Variants in TMEM74 observed in about 807,000 individuals in gnomAD.
The protein encoded by TMEM74 is transmembrane protein 74.
In TMEM74, 13 loss-of-function variants were observed where a neutral mutation model predicts 18.1. The observed-to-expected ratio is 0.72, with a 90% CI of 0.47 to 1.14. The LOEUF is 1.14. Among genes scored for constraint, TMEM74 ranks in the 50% most tolerant of loss-of-function variants. The probability of loss-of-function intolerance (pLI) is 0.00; values close to 1 mark genes in which losing one functional copy is unlikely to be tolerated. For missense variants in TMEM74, 372 were observed against 375.9 expected, an observed-to-expected ratio of 0.99 and a Z score of 0.09; for synonymous variants, 159 against 146.6, an observed-to-expected ratio of 1.08 and a Z score of -0.61.
At chr8:108,774,310 A>G (rs886944445), downstream of TMEM74, among the ~76,000 whole-genome samples, 3 of 152,108 alleles carry the variant, frequency 2.0e-5, no homozygotes, top group African/African-American at 2.4e-5. Flanking sequence ...TGGACTGAAA[A>G]CCTTCCACAA....
intron 1 of TMEM74, among the ~76,000 whole-genome samples, chr8:108,738,773 T>G (rs1463500786): frequency 6.6e-6 from 1 of 152,192 alleles, no homozygotes; most frequent in Non-Finnish European, 1.5e-5. Flanking sequence ...GATTTCTCTT[T>G]TATGTTAATG....
intron 1 of TMEM74, among the ~76,000 whole-genome samples, chr8:108,663,129 A>G (rs1383240405): frequency 6.6e-6 from 1 of 152,208 alleles, no homozygotes; most frequent in African/African-American, 2.4e-5. Flanking sequence ...GCACAGCAAA[A>G]GAAACTGTCA....
chr8:108,756,599 A>AAAGGAAGGAAGGAAGG (rs200040254), intron 1 of TMEM74, among the ~76,000 whole-genome samples: 3 of 51,554 alleles, frequency 5.8e-5, no homozygotes, highest in East Asian at 6.1e-4. Context: ...AAAGAAAGAG[A>AAAGGAAGGAAGGAAGG]AAGGAAGGAA....
chr8:108,632,447 TATC>T (rs1309582615), intron 2 of TMEM74, among the ~76,000 whole-genome samples: 1 of 151,974 alleles, frequency 6.6e-6, no homozygotes, highest in African/African-American at 2.4e-5. Context: ...TGCATATATT[TATC>T]ATTAGAAAAT....
At chr8:108,607,706 C>G (rs1812290124) in exon 4 of TMEM74, 1 of 152,152 alleles carries the variant, frequency 6.6e-6, no homozygotes, top group African/African-American at 2.4e-5. Context: ...TTCAGTTTGG[C>G]TCTTCACTTT....
At chr8:108,756,731 AAAGAGAAAGAAAGAAGGG>A (rs1163198850) in intron 1 of TMEM74, among the ~76,000 whole-genome samples, 1 of 94,374 alleles carries the variant, frequency 1.1e-5, no homozygotes, top group African/African-American at 4.2e-5. Context: ...AGAAAGAAAG[AAAGAGAAAGAAAGAAGGG>A]AGGGAGGGAG....
chr8:108,744,884 T>G (rs1203249344), intron 1 of TMEM74, among the ~76,000 whole-genome samples: 9 of 152,162 alleles, frequency 5.9e-5, no homozygotes, highest in Admixed American at 4.6e-4. Context: ...ATCTGGCTGA[T>G]GGATAATGTT....
At chr8:108,740,637 G>A (rs1813791180) in intron 1 of TMEM74, among the ~76,000 whole-genome samples, 1 of 152,066 alleles carries the variant, frequency 6.6e-6, no homozygotes, top group Non-Finnish European at 1.5e-5. Flanking sequence ...TCACATTTTT[G>A]CAATTTTCAC....
chr8:108,754,643 G>A (rs975077404), intron 1 of TMEM74, among the ~76,000 whole-genome samples: 2 of 139,854 alleles, frequency 1.4e-5, no homozygotes, highest in African/African-American at 5.1e-5. Flanking sequence ...GGATGGATAG[G>A]TAGGTAGGTA....
chr8:108,692,690 C>T (rs1000276073), intron 1 of TMEM74, among the ~76,000 whole-genome samples: 3 of 152,120 alleles, frequency 2.0e-5, no homozygotes, highest in East Asian at 1.9e-4. Context: ...CCCCAGCCTG[C>T]AAAAAACCCC....
intron 1 of TMEM74, among the ~76,000 whole-genome samples, chr8:108,697,648 C>A (rs982652039): frequency 5.9e-5 from 9 of 152,132 alleles, no homozygotes; most frequent in African/African-American, 2.2e-4. Flanking sequence ...TACACCTGGC[C>A]TCAAGAGATC....
At chr8:108,655,055 A>T (rs868568360) in intron 2 of TMEM74, among the ~76,000 whole-genome samples, 1 of 152,112 alleles carries the variant, frequency 6.6e-6, no homozygotes, top group African/African-American at 2.4e-5. Flanking sequence ...TTTTCCTTTG[A>T]CCTAACATAT....
rs958784066 is a variant in TMEM74 at position 108,783,043 on chromosome 8, G to A, written c.*1138C>T. Reference sequence around the variant, plus strand: ...GACATCTAGACCACTGTGAGTGGGAGGTGAGTTCTGACGATGACTACAGTC... The same window carrying A: ...GACATCTAGACCACTGTGAGTGGGAAGTGAGTTCTGACGATGACTACAGTC... On this transcript the variant is annotated 3_prime_UTR_variant, in exon 2 of 2. Transcript: ENST00000297459. Among the ~76,000 whole-genome samples, 2 of 152,186 alleles carry A rather than the reference G, an allele frequency of 1.3e-5. No individual in the cohort carries two copies. Among genetic ancestry groups the A allele is most frequent in the South Asian group, 2.1e-4 (1 of 4,830 alleles).
downstream of TMEM74, among the ~76,000 whole-genome samples, chr8:108,776,245 C>A (rs920784099): frequency 8.5e-5 from 13 of 152,252 alleles, no homozygotes; most frequent in East Asian, 2.5e-3. Flanking sequence ...GTAATCCCAA[C>A]ACTTCGGGCA....
At position 108,756,720 on chromosome 8, in the gene TMEM74, GAGAA is replaced by G. The variant is rs1292811878; in HGVS notation, n.119+30752_119+30755del. On this transcript the variant is annotated intron_variant and non_coding_transcript_variant, in intron 1 of 3. Coordinates refer to the TMEM74 transcript ENST00000518838. The stretch of plus-strand genomic sequence containing the variant: ...AGAAGGAAGGAAAGAAAGAAAGAAA[GAGAA>G]AGAAAGAAAGAGAAAGAAAGAAGGG... Among the ~76,000 whole-genome samples the G allele has an allele frequency of 7.9e-4, 62 of 78,320 alleles. 1 individual carries two copies. Among genetic ancestry groups the G allele is most frequent in the Non-Finnish European group, 5.8e-4 (24 of 41,476 alleles). 51.4% of individuals were successfully genotyped at this position (78,320 alleles called of 152,430 possible).
chr8:108,646,523 T>G (rs2130566874), intron 2 of TMEM74, among the ~76,000 whole-genome samples: 1 of 152,212 alleles, frequency 6.6e-6, no homozygotes, highest in South Asian at 2.1e-4. Flanking sequence ...ATGAATAAGT[T>G]CCAAATAGAC....
chr8:108,659,474 G>C (rs1031648629), intron 1 of TMEM74, among the ~76,000 whole-genome samples: 1 of 152,016 alleles, frequency 6.6e-6, no homozygotes, highest in Non-Finnish European at 1.5e-5. Context: ...GTGTTCTCCT[G>C]GCTTCCAGTC....
chr8:108,693,574 T>C (rs1265388867), intron 1 of TMEM74, among the ~76,000 whole-genome samples: 2 of 152,220 alleles, frequency 1.3e-5, no homozygotes, highest in African/African-American at 2.4e-5. Flanking sequence ...AGATTGAGCA[T>C]AGAAATTCTA....
At chr8:108,619,905 T>A (rs1812422558) in intron 2 of TMEM74, among the ~76,000 whole-genome samples, 1 of 152,164 alleles carries the variant, frequency 6.6e-6, no homozygotes, top group African/African-American at 2.4e-5. Flanking sequence ...GGAGAGTCTA[T>A]GTTGGAATCA....
Sources: allele counts gnomAD v4.1 joint callset (sites outside exome capture counted in the v4.1 genomes callset), GRCh38; gene constraint gnomAD v4.1.1; transcripts MANE v1.5; gene names NCBI Gene and HGNC (gene_info 2026-07-23, HGNC 2026-07-21).